The following SLC44A3 variants were observed in gnomAD, a reference collection of about 807,000 sequenced individuals.
SLC44A3 encodes choline transporter-like protein 3.
SLC44A3 carries 74 observed loss-of-function variants against 75.4 expected under a neutral mutation model. That is an observed-to-expected ratio of 0.98 (90% CI 0.81 to 1.19). The LOEUF (loss-of-function observed/expected upper bound fraction) is 1.19, where lower values mean the gene tolerates loss of function less well. Among genes scored for constraint, SLC44A3 ranks in the 50% most tolerant of loss-of-function variants. The pLI, the probability that SLC44A3 is intolerant of heterozygous loss-of-function variation, is 0.00. For missense variants in SLC44A3, 700 were observed against 778.6 expected, an observed-to-expected ratio of 0.90 and a Z score of 1.20; for synonymous variants, 310 against 296.9, an observed-to-expected ratio of 1.04 and a Z score of -0.45.
chr1:94,831,901 T>C (rs1479690288), intron 5 of SLC44A3, among the ~76,000 whole-genome samples: 1 of 152,082 alleles, frequency 6.6e-6, no homozygotes, highest in Non-Finnish European at 1.5e-5. Flanking sequence ...GAGCCGGGCA[T>C]AGTGGCTCAC....
Position 94,820,894 on chromosome 1 carries a change from C to T in SLC44A3, c.28-55C>T, listed in dbSNP as rs1660473267. 1.5e-5 allele frequency: 23 copies of T among 1,484,034 alleles called. No homozygotes were observed. In the East Asian group the frequency reaches 5.5e-4, roughly 35 times the overall value. 91.9% of individuals were successfully genotyped at this position (1,484,034 alleles called of 1,614,324 possible). The stretch of plus-strand genomic sequence containing the variant: ...TTCGAGTAGATTTGGGTTCGGTTTC[C>T]AGGTTGAGTCCACCTGTTTATCTTC... On this transcript the variant is annotated intron_variant, in intron 1 of 14. Transcript: ENST00000271227.
At chr1:94,861,215 G>A (rs1181286314) in intron 10 of SLC44A3, among the ~76,000 whole-genome samples, 1 of 152,196 alleles carries the variant, frequency 6.6e-6, no homozygotes, top group Non-Finnish European at 1.5e-5. Context: ...AAGCTTTGAT[G>A]TAATTACATT....
intron 9 of SLC44A3, among the ~76,000 whole-genome samples, chr1:94,856,560 T>C (rs1665896260): frequency 6.6e-6 from 1 of 152,232 alleles, no homozygotes; most frequent in Non-Finnish European, 1.5e-5. Flanking sequence ...GATTCTATAA[T>C]GTGATACTAA....
At chr1:94,824,666 A>G in intron 3 of SLC44A3, 31 bp downstream of exon 3, 1 of 1,526,322 alleles carries the variant, frequency 6.6e-7, no homozygotes. Flanking sequence ...CCAGTCTGTA[A>G]GGAACTGTAC....
At chr1:94,877,826 A>G (rs1256012822) in intron 12 of SLC44A3, among the ~76,000 whole-genome samples, 2 of 152,326 alleles carry the variant, frequency 1.3e-5, no homozygotes, top group African/African-American at 4.8e-5. Context: ...CATTCATCCC[A>G]GGAACAAGAC....
intron 12 of SLC44A3, among the ~76,000 whole-genome samples, chr1:94,881,030 C>T (rs181810833): frequency 6.6e-6 from 1 of 152,110 alleles, no homozygotes; most frequent in East Asian, 1.9e-4. Flanking sequence ...GTCGTAAGAC[C>T]CCGTCTCAAG....
At chr1:94,820,860 T>A (rs1660466923) in intron 1 of SLC44A3, 89 bp from the exon 2 acceptor site, 1 of 1,342,890 alleles carries the variant, frequency 7.4e-7, no homozygotes, top group African/African-American at 1.5e-5. Context: ...TTGGTTACTT[T>A]GGCCCCTCTT....
At chr1:94,848,071 A>G (rs1426014447) in intron 9 of SLC44A3, among the ~76,000 whole-genome samples, 96 of 152,270 alleles carry the variant, frequency 6.3e-4, no homozygotes, top group African/African-American at 2.2e-3. Flanking sequence ...TACTAAAAAT[A>G]CAGAAAACTT....
At chr1:94,835,321 G>A (rs939539121) in intron 5 of SLC44A3, among the ~76,000 whole-genome samples, 9 of 152,146 alleles carry the variant, frequency 5.9e-5, no homozygotes, top group East Asian at 1.9e-4. Context: ...AAGAGGAGAC[G>A]TGACAATAAA....
intron 12 of SLC44A3, among the ~76,000 whole-genome samples, chr1:94,869,563 A>G (rs1667538427): frequency 6.6e-6 from 1 of 152,214 alleles, no homozygotes; most frequent in African/African-American, 2.4e-5. Flanking sequence ...GAGATTGGGA[A>G]GAGGAGGAAG....
chr1:94,850,597 T>C (rs12025599), intron 9 of SLC44A3, among the ~76,000 whole-genome samples: 42,703 of 152,094 alleles, frequency 0.28, 6,203 homozygotes, highest in Admixed American at 0.35. Flanking sequence ...GAGTTTTCCA[T>C]AGGTTTCCCA....
chr1:94,871,912 T>C (rs1667800742), intron 12 of SLC44A3, among the ~76,000 whole-genome samples: 1 of 152,178 alleles, frequency 6.6e-6, no homozygotes, highest in Middle Eastern at 3.2e-3. Context: ...TTTTCAGACA[T>C]CTAACTGCCG....
In SLC44A3 at chr1:94,845,447, T is replaced by C; in HGVS notation, c.1055T>C (p.Leu352Pro). The change falls in exon 9 of 15, where the codon CTG becomes CCG. Residue 352 changes from leucine to proline, a missense_variant. Leu to Pro is a moderately conservative substitution (Grantham distance 98). Coordinates refer to ENST00000271227, the MANE Select transcript of SLC44A3 (RefSeq NM_001114106.3). Reference sequence around the variant, plus strand: ...TGGGTCCTCTGGGTGGCTGTGCTGCTGAGCCTGGGAACTGCAGGTAAGGGA... The same window carrying C: ...TGGGTCCTCTGGGTGGCTGTGCTGCCGAGCCTGGGAACTGCAGGTAAGGGA... ...FFWVLWVAVLLSLGTAGAAQV... is the reference protein window; with the variant it reads ...FFWVLWVAVLPSLGTAGAAQV... 1 of 1,612,222 alleles carries C rather than the reference T, an allele frequency of 6.2e-7. No homozygotes were observed. Among genetic ancestry groups the C allele is most frequent in the Non-Finnish European group, 8.5e-7 (1 of 1,179,864 alleles).
Position 94,857,507 on chromosome 1 carries a change from C to T in SLC44A3, c.1238+7C>T. On this transcript the variant is annotated splice_region_variant and intron_variant, in intron 10 of 14. Transcript: ENST00000271227. The stretch of plus-strand genomic sequence containing the variant: ...TTACTTGTTATTTCAACAGGTAGGT[C>T]CAGTGTTTTTTTTCTATTGGTTTGT... 5.0e-6 allele frequency: 8 copies of T among 1,603,568 alleles called. No homozygotes were observed. The highest frequency in any genetic ancestry group is 6.8e-6 in the Non-Finnish European group (8 of 1,176,286).
chr1:94,846,485 C>T (rs745988652), intron 9 of SLC44A3, among the ~76,000 whole-genome samples: 10 of 152,198 alleles, frequency 6.6e-5, no homozygotes, highest in East Asian at 1.9e-4. Context: ...CTAGAATGGA[C>T]GTCATTCCAT....
At chr1:94,853,800 A>C (rs920890532) in intron 9 of SLC44A3, among the ~76,000 whole-genome samples, 5 of 152,094 alleles carry the variant, frequency 3.3e-5, no homozygotes, top group African/African-American at 1.2e-4. Context: ...AAGGGGAAAC[A>C]AATGGACCAA....
chr1:94,839,233 A>G (rs572000581), intron 6 of SLC44A3, among the ~76,000 whole-genome samples: 3 of 152,350 alleles, frequency 2.0e-5, no homozygotes, highest in East Asian at 3.9e-4. Flanking sequence ...CATATTTAAT[A>G]AGAGTACCTT....
At chr1:94,833,734 A>G (rs1344560900) in intron 5 of SLC44A3, among the ~76,000 whole-genome samples, 1 of 152,082 alleles carries the variant, frequency 6.6e-6, no homozygotes, top group Non-Finnish European at 1.5e-5. Flanking sequence ...GAAAATGGGG[A>G]TGGAGTCACA....
intron 12 of SLC44A3, among the ~76,000 whole-genome samples, chr1:94,872,643 C>T (rs1202368138): frequency 6.6e-6 from 1 of 152,078 alleles, no homozygotes; most frequent in Non-Finnish European, 1.5e-5. Flanking sequence ...TGGGTGAGTC[C>T]CTTAAACTTG....
Sources: allele counts gnomAD v4.1 joint callset (sites outside exome capture counted in the v4.1 genomes callset), GRCh38; gene constraint gnomAD v4.1.1; transcripts MANE v1.5; gene names NCBI Gene and HGNC (gene_info 2026-07-23, HGNC 2026-07-21).